The following ZNF804B variants were observed in gnomAD, a reference collection of about 807,000 sequenced individuals.
The protein encoded by ZNF804B is zinc finger 804B.
In ZNF804B, 80 loss-of-function variants were observed where a neutral mutation model predicts 101.4. That is an observed-to-expected ratio of 0.79 (90% CI 0.66 to 0.95). The LOEUF is 0.95. Among genes scored for constraint, ZNF804B ranks in the 40% least tolerant of loss-of-function variants. The probability of loss-of-function intolerance (pLI) is 0.00; values close to 1 mark genes in which losing one functional copy is unlikely to be tolerated. For synonymous variants in ZNF804B, 622 were observed against 558.8 expected, an observed-to-expected ratio of 1.11 and a Z score of -1.59; for missense variants, 1,673 against 1,561.9, an observed-to-expected ratio of 1.07 and a Z score of -1.20.
chr7:89,088,306 C>T (rs1180648295), intron 1 of ZNF804B, among the ~76,000 whole-genome samples: 1 of 151,798 alleles, frequency 6.6e-6, no homozygotes, highest in Non-Finnish European at 1.5e-5. Flanking sequence ...AATAAATTCC[C>T]ATTTATGAAA....
intron 1 of ZNF804B, among the ~76,000 whole-genome samples, chr7:89,188,142 C>A (rs62463576): frequency 0.24 from 36,671 of 151,752 alleles, 4,604 homozygotes; most frequent in Non-Finnish European, 0.27. Context: ...GCCATTCTCC[C>A]GACAGCCTGT....
At chr7:88,926,432 CA>C (rs34926325) in intron 1 of ZNF804B, among the ~76,000 whole-genome samples, 443 of 134,964 alleles carry the variant, frequency 3.3e-3, no homozygotes, top group Admixed American at 5.2e-3. Context: ...ATTAAAAATA[CA>C]AAAAAAAAAA....
intron 1 of ZNF804B, among the ~76,000 whole-genome samples, chr7:88,796,984 A>T (rs1368505777): frequency 6.6e-6 from 1 of 152,128 alleles, no homozygotes; most frequent in Non-Finnish European, 1.5e-5. Flanking sequence ...TCAAATTATT[A>T]TCTCCAGTCA....
At chr7:89,140,323 G>T (rs1229946429) in intron 1 of ZNF804B, among the ~76,000 whole-genome samples, 1 of 151,956 alleles carries the variant, frequency 6.6e-6, no homozygotes, top group Non-Finnish European at 1.5e-5. Context: ...AGGTGCATTG[G>T]CTTCAACTTA....
chr7:89,036,643 C>G (rs908221163), intron 1 of ZNF804B, among the ~76,000 whole-genome samples: 1 of 152,034 alleles, frequency 6.6e-6, no homozygotes, highest in Admixed American at 6.6e-5. Flanking sequence ...TAATGTATAA[C>G]TTAGAAAAGA....
At chr7:88,902,727 T>C (rs1338332489) in intron 1 of ZNF804B, among the ~76,000 whole-genome samples, 1 of 152,078 alleles carries the variant, frequency 6.6e-6, no homozygotes, top group Non-Finnish European at 1.5e-5. Context: ...TTAAATACAC[T>C]ATGTTATAAA....
chr7:89,103,241 T>A (rs986440651), intron 1 of ZNF804B, among the ~76,000 whole-genome samples: 1 of 151,098 alleles, frequency 6.6e-6, no homozygotes, highest in African/African-American at 2.4e-5. Flanking sequence ...ACTTGAAAAT[T>A]GTTTTTTCAA....
intron 1 of ZNF804B, among the ~76,000 whole-genome samples, chr7:89,068,396 TA>T (rs1789486945): frequency 6.6e-6 from 1 of 152,092 alleles, no homozygotes; most frequent in Admixed American, 6.6e-5. Context: ...CAATGTCTCA[TA>T]AAACCAAATA....
rs141741980 is a variant in ZNF804B, at chr7:89,193,519, G to T, written c.109-24636G>T. Among the ~76,000 whole-genome samples the T allele has an allele frequency of 5.4e-3, 734 of 134,874 alleles. 7 individuals carry two copies. The highest frequency in any genetic ancestry group is 0.02 in the African/African-American group (711 of 35,216). The allele number at this position is 134,874 out of a possible 152,430, so 88.5% of individuals were successfully genotyped here. On this transcript the variant is annotated intron_variant, in intron 1 of 3. Coordinates refer to ENST00000333190, the MANE Select transcript of ZNF804B (RefSeq NM_181646.5). ...GATGTTCCCCTTCATGTGTCCATTT[G>T]TTCTCATTGTTCAATTCCCACCTAT...
chr7:89,229,854 C>T (rs1789162070), intron 2 of ZNF804B, among the ~76,000 whole-genome samples: 1 of 151,746 alleles, frequency 6.6e-6, no homozygotes, highest in South Asian at 2.1e-4. Context: ...AAAAATCATA[C>T]AAAATATGCT....
intron 1 of ZNF804B, among the ~76,000 whole-genome samples, chr7:88,853,109 T>A (rs1374070734): frequency 6.6e-6 from 1 of 151,146 alleles, no homozygotes; most frequent in Non-Finnish European, 1.5e-5. Context: ...CACATGTGTG[T>A]TTTTATCCAT....
At chr7:88,867,171 G>A (rs1791739061) in intron 1 of ZNF804B, among the ~76,000 whole-genome samples, 1 of 152,156 alleles carries the variant, frequency 6.6e-6, no homozygotes, top group African/African-American at 2.4e-5. Flanking sequence ...CAGAGAGACA[G>A]ACCAATAGGA....
rs1318996151 is a variant in ZNF804B, at chr7:88,793,771, AT to A, written c.108+33692del. On this transcript the variant is annotated intron_variant, in intron 1 of 3. Transcript: ENST00000333190. ...AGGTTGCAAGCAACTCAAGGGTGGG[AT>A]TTTTCTTCTCGATTTTGTACCCTCA... 2.6e-5 allele frequency among the ~76,000 whole-genome samples: 4 copies of A among 152,054 alleles called. No homozygotes were observed. In the East Asian group the frequency reaches 7.8e-4, roughly 30 times the overall value.
intron 1 of ZNF804B, among the ~76,000 whole-genome samples, chr7:89,171,354 TCTTC>T (rs1455258180): frequency 1.7e-5 from 2 of 117,080 alleles, no homozygotes; most frequent in South Asian, 3.0e-4. Flanking sequence ...TTCTTCTTCT[TCTTC>T]CTCCTCTTCC....
intron 1 of ZNF804B, among the ~76,000 whole-genome samples, chr7:88,831,701 C>T (rs1402216027): frequency 6.6e-6 from 1 of 151,844 alleles, no homozygotes; most frequent in South Asian, 2.1e-4. Context: ...TTCTAACTCT[C>T]TGATTAACAG....
intron 1 of ZNF804B, among the ~76,000 whole-genome samples, chr7:89,068,327 AT>A (rs1789485708): frequency 6.6e-6 from 1 of 151,876 alleles, no homozygotes; most frequent in African/African-American, 2.4e-5. Flanking sequence ...GCCTGATATC[AT>A]TTTTAGTATA....
intron 1 of ZNF804B, among the ~76,000 whole-genome samples, chr7:88,793,881 T>A (rs1264634126): frequency 6.6e-6 from 1 of 152,116 alleles, no homozygotes; most frequent in Non-Finnish European, 1.5e-5. Flanking sequence ...GTTTGTCTTT[T>A]TTCAGCCATA....
At position 88,843,856 on chromosome 7, in the gene ZNF804B, T is replaced by A. The variant is rs967359767; in HGVS notation, c.108+83772T>A. On this transcript the variant is annotated intron_variant, in intron 1 of 3. Coordinates refer to ENST00000333190, the MANE Select transcript of ZNF804B (RefSeq NM_181646.5). ...TTTAAGCTAATTTAAAAACATTTTA[T>A]GCAAAAAGATCCCTATTGATGCCGT... Among the ~76,000 whole-genome samples, 3 of 152,154 alleles carry A rather than the reference T, an allele frequency of 2.0e-5. No homozygotes were observed. The East Asian group carries it at 5.8e-4, about 29-fold the overall frequency.
intron 1 of ZNF804B, among the ~76,000 whole-genome samples, chr7:88,973,713 T>A (rs952964488): frequency 6.6e-6 from 1 of 151,388 alleles, no homozygotes; most frequent in South Asian, 2.1e-4. Context: ...TGAGTATTTA[T>A]GAGACCATGA....
Sources: gnomAD v4.1 joint callset for allele counts (sites outside exome capture counted in the v4.1 genomes callset) on GRCh38, gnomAD v4.1.1 for gene constraint, MANE v1.5 for transcripts, NCBI Gene and HGNC (gene_info 2026-07-23, HGNC 2026-07-21) for gene names.